Variants in HNRNPD observed in about 807,000 individuals in gnomAD.
The protein encoded by HNRNPD is heterogeneous nuclear ribonucleoprotein D0.
HNRNPD carries 3 observed loss-of-function variants against 47.9 expected under a neutral mutation model. The observed-to-expected ratio is 0.06, with a 90% CI of 0.03 to 0.16. The LOEUF is 0.16. HNRNPD is among the 10% of genes least tolerant of loss of function. The probability of loss-of-function intolerance (pLI) is 1.00; values close to 1 mark genes in which losing one functional copy is unlikely to be tolerated. For missense variants in HNRNPD, 287 were observed against 454.2 expected (o/e 0.63, Z 3.35); for synonymous variants, 171 against 165.1 (o/e 1.04, Z -0.28).
rs66520516 is a variant in HNRNPD at position 82,363,048 on chromosome 4, G to GTATATA, written c.291-3415_291-3410dup. On this transcript the variant is annotated intron_variant, in intron 2 of 8. Transcript: ENST00000313899. ...TATATATATATGTGTGTGTGTGTGT[G>GTATATA]TATATATATATATATATACATTTAC... is the stretch of plus-strand genomic sequence containing the variant. Among the ~76,000 whole-genome samples, 19 of 145,532 alleles carry GTATATA rather than the reference G, an allele frequency of 1.3e-4. No homozygotes were observed. The Middle Eastern group carries it at 0.014, about 106-fold the overall frequency.
rs1035303125 is a variant in HNRNPD at position 82,353,895 on chromosome 4, G to C, written c.*290C>G. The C allele has an allele frequency of 6.6e-6, 1 of 152,538 alleles. No individual in the cohort carries two copies. The highest frequency in any genetic ancestry group is 6.6e-5 in the Admixed American group (1 of 15,260). The allele number at this position is 152,538 out of a possible 1,614,324, so 9.4% of individuals were successfully genotyped here. A position where few individuals can be genotyped will look rare whatever the true frequency, so the allele number is the denominator to read the frequency against. ...ACTACATCATGACACTGTCACACTGGGCTTTTAACACAAGACTTGCTCTAC... is the reference window on the plus strand; with the variant it reads ...ACTACATCATGACACTGTCACACTGCGCTTTTAACACAAGACTTGCTCTAC... On this transcript the variant is annotated 3_prime_UTR_variant, in exon 9 of 9. Coordinates refer to ENST00000313899, the MANE Select transcript of HNRNPD (RefSeq NM_031370.3).
rs1428877919 is a variant in HNRNPD, at chr4:82,368,513, A to C, written c.290+3015T>G. Among the ~76,000 whole-genome samples, 5 of 152,340 alleles carry C rather than the reference A, an allele frequency of 3.3e-5. No individual in the cohort carries two copies. In the East Asian group the frequency reaches 9.6e-4, roughly 29 times the overall value. On this transcript the variant is annotated intron_variant, in intron 2 of 8. Coordinates refer to ENST00000313899, the MANE Select transcript of HNRNPD (RefSeq NM_031370.3). Reference sequence around the variant, plus strand: ...AAACTTAAAAAACGAGATTATTTTTAGTATCTTTCATAATAGATGAAAATT... The same window carrying C: ...AAACTTAAAAAACGAGATTATTTTTCGTATCTTTCATAATAGATGAAAATT...
At chr4:82,373,305 GA>G in intron 1 of HNRNPD, 140 bp downstream of exon 1, 3 of 1,160,830 alleles carry the variant, frequency 2.6e-6, no homozygotes, top group Non-Finnish European at 3.6e-6. Context: ...ACCCAACATA[GA>G]AAAAGGGAGA....
chr4:82,356,554 C>G lies in HNRNPD; in HGVS notation c.983G>C (p.Gly328Ala). 1 of 1,608,274 alleles carries G rather than the reference C, an allele frequency of 6.2e-7. No homozygotes were observed. Among genetic ancestry groups the G allele is most frequent in the Non-Finnish European group, 8.5e-7 (1 of 1,176,510 alleles). ...GTACTTACTGCTATAATCACCATATCCATAGTAGTTGTTGTAACCAGTGTA... is the reference window on the plus strand; with the variant it reads ...GTACTTACTGCTATAATCACCATATGCATAGTAGTTGTTGTAACCAGTGTA... The part of the protein sequence containing the change: ...YDYTGYNNYY[G>A]YGDYSNQQSG... The change falls in exon 7 of 9, where the codon GGA (glycine) becomes GCA (alanine). Residue 328 changes from glycine to alanine, a missense_variant. By Grantham distance (60) the Gly-to-Ala change is moderately conservative. Coordinates refer to ENST00000313899, the MANE Select transcript of HNRNPD (RefSeq NM_031370.3).
chr4:82,373,335 A>G (rs1720190309), intron 1 of HNRNPD, 111 bp downstream of exon 1: 2 of 1,395,078 alleles, frequency 1.4e-6, no homozygotes, highest in Non-Finnish European at 1.9e-6. Context: ...AGGAGGCTGC[A>G]TGGGGGCCCG....
At chr4:82,361,896 G>T (rs944474039) in intron 2 of HNRNPD, among the ~76,000 whole-genome samples, 1 of 152,172 alleles carries the variant, frequency 6.6e-6, no homozygotes, top group African/African-American at 2.4e-5. Context: ...GTTCACTGAA[G>T]ATGCTATCCC....
intron 2 of HNRNPD, among the ~76,000 whole-genome samples, chr4:82,365,860 C>T (rs1227677762): frequency 6.7e-6 from 1 of 149,742 alleles, no homozygotes; most frequent in African/African-American, 2.5e-5. Context: ...ATCTGCCCAC[C>T]TCAGCCTCCC....
intron 1 of HNRNPD, 43 bp downstream of exon 1, chr4:82,373,403 G>A (rs1720210157): frequency 2.6e-6 from 4 of 1,528,850 alleles, no homozygotes; most frequent in South Asian, 1.2e-5. Flanking sequence ...GAGGGGGAGG[G>A]GGACTAGTTG....
rs763915510 is a variant in HNRNPD, at chr4:82,373,490, C to T, written c.189G>A (p.Ser63=). 6.4e-6 allele frequency: 10 copies of T among 1,552,464 alleles called. No homozygotes were observed. In the Admixed American group the frequency reaches 1.8e-4, roughly 27 times the overall value. ...TACTGGCGTCAATCTTCGCCCCCTC[C>T]GACTCGGCGCTGCCCCCTTCGGTGC... The part of the protein sequence containing the change: ...SGGTEGGSAE[S]EGAKIDASKN... Residue 63 remains serine (S), a synonymous_variant, in exon 1 of 9, where the codon TCG becomes TCA. Transcript: ENST00000313899.
intron 2 of HNRNPD, among the ~76,000 whole-genome samples, chr4:82,368,774 A>G (rs1719887844): frequency 6.6e-6 from 1 of 152,224 alleles, no homozygotes; most frequent in Admixed American, 6.5e-5. Context: ...TACAAAGCAA[A>G]CAATGTTCAG....
At position 82,371,400 on chromosome 4, in the gene HNRNPD, C is replaced by T; in HGVS notation, c.290+128G>A. On this transcript the variant is annotated intron_variant, in intron 2 of 8. Coordinates refer to ENST00000313899, the MANE Select transcript of HNRNPD (RefSeq NM_031370.3). The stretch of plus-strand genomic sequence containing the variant: ...CTATAAAAGGTATATATCCCAGGTA[C>T]AAACCTACTGTATGTACTATGGTCT... The T allele has an allele frequency of 7.6e-6, 5 of 656,696 alleles. 1 individual carries two copies. In the South Asian group the frequency reaches 1.1e-4, roughly 15 times the overall value. The allele number at this position is 656,696 out of a possible 1,614,324, so 40.7% of individuals were successfully genotyped here.
chr4:82,371,258 T>A (rs1229123527), intron 2 of HNRNPD, among the ~76,000 whole-genome samples: 1 of 152,220 alleles, frequency 6.6e-6, no homozygotes, highest in Non-Finnish European at 1.5e-5. Context: ...TCTTGCTCGA[T>A]ATAAAAATAT....
chr4:82,370,253 T>G (rs933380585), intron 2 of HNRNPD, among the ~76,000 whole-genome samples: 6 of 152,226 alleles, frequency 3.9e-5, no homozygotes, highest in Non-Finnish European at 7.3e-5. Context: ...TTCCTGAGAT[T>G]ATTCAAAAAA....
rs531282689 is a variant in HNRNPD at position 82,373,164 on chromosome 4, G to C, written c.233+282C>G. The C allele has an allele frequency of 1.5e-4, 95 of 642,344 alleles. No homozygotes were observed. In the Admixed American group the frequency reaches 1.9e-3, roughly 13 times the overall value. The allele number at this position is 642,344 out of a possible 1,614,324, so 39.8% of individuals were successfully genotyped here. ...ATCCTGGCGGCTAAGTCGGTGGGAGGAGACCCATGGCGAGGGAGGAAAGGA... is the reference window on the plus strand; with the variant it reads ...ATCCTGGCGGCTAAGTCGGTGGGAGCAGACCCATGGCGAGGGAGGAAAGGA... On this transcript the variant is annotated intron_variant, in intron 1 of 8. Transcript: ENST00000313899.
chr4:82,368,143 G>A (rs2110000759), intron 2 of HNRNPD, among the ~76,000 whole-genome samples: 1 of 151,978 alleles, frequency 6.6e-6, no homozygotes, highest in East Asian at 1.9e-4. Context: ...AGTGGAATGG[G>A]AAAAAAAATT....
rs1392876179 is a variant in HNRNPD at position 82,373,576 on chromosome 4, G to C, written c.103C>G (p.Gln35Glu). The change falls in exon 1 of 9, where the codon CAG (glutamine) becomes GAG (glutamate). Residue 35 changes from glutamine (Q) to glutamate (E), a missense_variant. Gln to Glu is a conservative substitution (Grantham distance 29). Around this residue, in one of 5 missense-constraint regions of HNRNPD, gnomAD observed 161 missense variants for 137.1 expected, o/e 1.17. Transcript: ENST00000313899. ...CTTCCCGCCGCCGCCGCTGCCCCCT[G>C]TGTCGCCGCCACCATGGCTCCCTCC... is the stretch of plus-strand genomic sequence containing the variant. Reference protein sequence around the residue: ...EQEGAMVAATQGAAAAAGSGA... With the variant: ...EQEGAMVAATEGAAAAAGSGA... 2 of 1,536,418 alleles carry C rather than the reference G, an allele frequency of 1.3e-6. No individual in the cohort carries two copies. The highest frequency in any genetic ancestry group is 1.4e-5 in the African/African-American group (1 of 71,310).
intron 2 of HNRNPD, among the ~76,000 whole-genome samples, chr4:82,366,594 T>G (rs1390047867): frequency 6.6e-6 from 1 of 151,158 alleles, no homozygotes; most frequent in Non-Finnish European, 1.5e-5. Context: ...TGAGACGGAG[T>G]CTTGCTCTGT....
chr4:82,360,296 A>AT (rs1354785085), intron 2 of HNRNPD, among the ~76,000 whole-genome samples: 2 of 152,168 alleles, frequency 1.3e-5, no homozygotes. Flanking sequence ...GCAATAAAGT[A>AT]TTTAAGCCTT....
intron 4 of HNRNPD, 42 bp from the exon 5 acceptor site, chr4:82,357,486 T>C (rs1329263126): frequency 1.9e-6 from 3 of 1,546,908 alleles, no homozygotes; most frequent in Non-Finnish European, 2.6e-6. Flanking sequence ...ACATGCATTT[T>C]ATTGACCTTA....
Sources: allele counts gnomAD v4.1 joint callset (sites outside exome capture counted in the v4.1 genomes callset), GRCh38; gene constraint gnomAD v4.1.1; regional missense constraint gnomAD v4.1.1; transcripts MANE v1.5; gene names NCBI Gene and HGNC (gene_info 2026-07-23, HGNC 2026-07-21).